Variants in CSMD1 observed in about 807,000 individuals in gnomAD.
CSMD1 encodes the protein CUB and sushi domain-containing protein 1.
CSMD1 carries 213 observed loss-of-function variants against 417.5 expected under a neutral mutation model. The observed-to-expected ratio is 0.51, with a 90% CI of 0.46 to 0.57. The LOEUF (loss-of-function observed/expected upper bound fraction) is 0.57, where lower values mean the gene tolerates loss of function less well. CSMD1 is among the 20% of genes least tolerant of loss of function. The pLI, the probability that CSMD1 is intolerant of heterozygous loss-of-function variation, is 0.00. For synonymous variants in CSMD1, 2,862 were observed against 1,736.8 expected (o/e 1.65, Z -16.11); for missense variants, 6,923 against 4,529.7 (o/e 1.53, Z -15.17).
At chr8:4,804,733 T>G (rs959760739) in intron 1 of CSMD1, among the ~76,000 whole-genome samples, 10 of 152,222 alleles carry the variant, frequency 6.6e-5, no homozygotes, top group African/African-American at 2.4e-4. Flanking sequence ...CTATATGAAA[T>G]GCCTGCAAGC....
At chr8:3,285,307 A>G (rs1803061658) in intron 25 of CSMD1, among the ~76,000 whole-genome samples, 1 of 152,176 alleles carries the variant, frequency 6.6e-6, no homozygotes, top group Non-Finnish European at 1.5e-5. Flanking sequence ...AAAATAATCA[A>G]GATAAATCCT....
At chr8:4,163,959 T>C (rs1797310505) in intron 3 of CSMD1, among the ~76,000 whole-genome samples, 2 of 152,174 alleles carry the variant, frequency 1.3e-5, no homozygotes, top group Admixed American at 1.3e-4. Context: ...CTTCTCAAAT[T>C]AATTTTAGGG....
chr8:3,776,678 T>C (rs941150346), intron 5 of CSMD1, among the ~76,000 whole-genome samples: 1 of 152,070 alleles, frequency 6.6e-6, no homozygotes, highest in Non-Finnish European at 1.5e-5. Flanking sequence ...GCACTTGCCA[T>C]TACCTGATTT....
chr8:3,293,269 C>T (rs911481839), intron 25 of CSMD1, among the ~76,000 whole-genome samples: 2 of 152,154 alleles, frequency 1.3e-5, no homozygotes, highest in African/African-American at 2.4e-5. Flanking sequence ...TTTTTTCCTT[C>T]ATTTCAACTT....
chr8:4,962,363 A>T (rs1809557156), intron 1 of CSMD1, among the ~76,000 whole-genome samples: 1 of 152,072 alleles, frequency 6.6e-6, no homozygotes, highest in Non-Finnish European at 1.5e-5. Context: ...GGTGCAAGCC[A>T]TCTTGACTGC....
At chr8:4,354,311 A>C (rs1166205821) in intron 3 of CSMD1, among the ~76,000 whole-genome samples, 1 of 152,190 alleles carries the variant, frequency 6.6e-6, no homozygotes, top group African/African-American at 2.4e-5. Context: ...TAAGGCGATG[A>C]AACATTTCAA....
In CSMD1 at chr8:3,343,338, G is replaced by C. The variant is rs776501943; in HGVS notation, c.3587C>G (p.Thr1196Ser). ...ACCTTGGTCGGTGTCAGATCCATTGGTGTTGAACTCTAGCCACAGGTGATT... is the reference window on the plus strand; with the variant it reads ...ACCTTGGTCGGTGTCAGATCCATTGCTGTTGAACTCTAGCCACAGGTGATT... Reference protein sequence around the residue: ...TSNHLWLEFNTNGSDTDQGFQ... With the variant: ...TSNHLWLEFNSNGSDTDQGFQ... Residue 1196 changes from threonine to serine, a missense_variant, in exon 23 of 70, where the codon ACC becomes AGC. Coordinates refer to ENST00000635120, the MANE Select transcript of CSMD1 (RefSeq NM_033225.6). 6 of 1,613,790 alleles carry C rather than the reference G, an allele frequency of 3.7e-6. No individual in the cohort carries two copies. The highest frequency in any genetic ancestry group is 5.1e-6 in the Non-Finnish European group (6 of 1,179,736).
At chr8:4,572,926 T>C (rs1245314950) in intron 2 of CSMD1, among the ~76,000 whole-genome samples, 4 of 152,194 alleles carry the variant, frequency 2.6e-5, no homozygotes, top group Admixed American at 2.0e-4. Context: ...GATACTTGTG[T>C]ATGCGTCATG....
At chr8:3,894,376 G>A (rs1807208709) in intron 5 of CSMD1, among the ~76,000 whole-genome samples, 1 of 152,044 alleles carries the variant, frequency 6.6e-6, no homozygotes, top group Non-Finnish European at 1.5e-5. Context: ...GCAACTCAAG[G>A]GGAGACACAT....
At chr8:3,376,119 G>A (rs1350797087) in intron 18 of CSMD1, among the ~76,000 whole-genome samples, 1 of 152,010 alleles carries the variant, frequency 6.6e-6, no homozygotes, top group Admixed American at 6.6e-5. Context: ...CTGTGTGATT[G>A]CAAATACAGC....
Position 4,123,852 on chromosome 8 carries a change from C to G in CSMD1, c.416-91753G>C, listed in dbSNP as rs114863716. Among the ~76,000 whole-genome samples the G allele has an allele frequency of 3.1e-3, 471 of 152,212 alleles. 4 individuals carry two copies. Among genetic ancestry groups the G allele is most frequent in the African/African-American group, 0.01 (432 of 41,526 alleles). On this transcript the variant is annotated intron_variant, in intron 3 of 69. Coordinates refer to ENST00000635120, the MANE Select transcript of CSMD1 (RefSeq NM_033225.6). The stretch of plus-strand genomic sequence containing the variant: ...ACCTATAGAGAATGAGAACACGGAA[C>G]TTTCAACGAGATACACATTCCAGGG...
At chr8:3,535,599 T>G (rs1798162485) in intron 10 of CSMD1, among the ~76,000 whole-genome samples, 1 of 152,094 alleles carries the variant, frequency 6.6e-6, no homozygotes, top group Non-Finnish European at 1.5e-5. Flanking sequence ...AGAAATAACT[T>G]AATGGGTATA....
At chr8:4,976,078 C>CA (rs1810545861) in intron 1 of CSMD1, among the ~76,000 whole-genome samples, 1 of 152,124 alleles carries the variant, frequency 6.6e-6, no homozygotes, top group South Asian at 2.1e-4. Context: ...AATTGGTTGA[C>CA]ACATGTTCTC....
chr8:3,956,367 T>G (rs552225021), intron 5 of CSMD1, among the ~76,000 whole-genome samples: 1 of 152,092 alleles, frequency 6.6e-6, no homozygotes, highest in Non-Finnish European at 1.5e-5. Context: ...TATAGAACAA[T>G]TAGAAGTGAG....
chr8:4,719,202 G>C (rs889006526), intron 1 of CSMD1, among the ~76,000 whole-genome samples: 12 of 152,268 alleles, frequency 7.9e-5, no homozygotes, highest in Non-Finnish European at 1.2e-4. Context: ...GTGCAGGGGT[G>C]GGGGAGACTA....
intron 1 of CSMD1, among the ~76,000 whole-genome samples, chr8:4,868,692 G>A (rs1325741725): frequency 2.0e-5 from 3 of 151,934 alleles, no homozygotes; most frequent in African/African-American, 7.3e-5. Context: ...ACAGTATGGT[G>A]TCTTGGTCGA....
intron 1 of CSMD1, among the ~76,000 whole-genome samples, chr8:4,876,930 G>A (rs1448748064): frequency 1.3e-5 from 2 of 151,914 alleles, no homozygotes; most frequent in Non-Finnish European, 2.9e-5. Context: ...CCTAATCCAT[G>A]CACACAAAAA....
At position 4,767,429 on chromosome 8, in the gene CSMD1, T is replaced by C. The variant is rs144306351; in HGVS notation, c.86-129871A>G. On this transcript the variant is annotated intron_variant, in intron 1 of 69. Transcript: ENST00000635120. Reference sequence around the variant, plus strand: ...GTGCACTATCATTCTCATTAAAACATCATCCTGACCAATCCCGCACATAGC... The same window carrying C: ...GTGCACTATCATTCTCATTAAAACACCATCCTGACCAATCCCGCACATAGC... Among the ~76,000 whole-genome samples the C allele has an allele frequency of 8.7e-3, 1,326 of 152,282 alleles. 26 individuals are homozygous for C. The highest frequency in any genetic ancestry group is 0.028 in the African/African-American group (1,184 of 41,546).
At chr8:4,078,727 T>C (rs1645149315) in intron 3 of CSMD1, among the ~76,000 whole-genome samples, 1 of 151,084 alleles carries the variant, frequency 6.6e-6, no homozygotes, top group Non-Finnish European at 1.5e-5. Context: ...TAGATTGCTT[T>C]AAGGCAACCC....
Sources: allele counts gnomAD v4.1 joint callset (sites outside exome capture counted in the v4.1 genomes callset), GRCh38; gene constraint gnomAD v4.1.1; transcripts MANE v1.5; gene names NCBI Gene and HGNC (gene_info 2026-07-23, HGNC 2026-07-21).